Variants in RBM19 observed in about 807,000 individuals in gnomAD.
The protein encoded by RBM19 is RNA binding motif protein 19.
In RBM19, 94 loss-of-function variants were observed where a neutral mutation model predicts 116.8. That is an observed-to-expected ratio of 0.80 (90% confidence interval 0.68 to 0.95). The LOEUF is 0.95. Among genes scored for constraint, RBM19 ranks in the 40% least tolerant of loss-of-function variants. The pLI, the probability that RBM19 is intolerant of heterozygous loss-of-function variation, is 0.00. For missense variants in RBM19, 1,161 were observed against 1,220.7 expected (o/e 0.95, Z 0.73); for synonymous variants, 475 against 494.1 (o/e 0.96, Z 0.51).
intron 21 of RBM19, among the ~76,000 whole-genome samples, chr12:113,869,865 C>T (rs1879095605): frequency 6.6e-6 from 1 of 152,186 alleles, no homozygotes; most frequent in Admixed American, 6.5e-5. Context: ...GAAGAGAATC[C>T]AGGAAGTCAC....
rs374361470 is a variant in RBM19 at position 113,876,410 on chromosome 12, A to G, written c.2559-17514T>C. Reference sequence around the variant, plus strand: ...CTGTGAAATGGGGACAATGGTCTCCATGCTCAACAGTTGTGTTAAGGCTTA... The same window carrying G: ...CTGTGAAATGGGGACAATGGTCTCCGTGCTCAACAGTTGTGTTAAGGCTTA... On this transcript the variant is annotated intron_variant, in intron 21 of 23. Coordinates refer to ENST00000261741, the MANE Select transcript of RBM19 (RefSeq NM_016196.4). Among the ~76,000 whole-genome samples, 12 of 152,348 alleles carry G rather than the reference A, an allele frequency of 7.9e-5. No homozygotes were observed. The East Asian group carries it at 9.6e-4, about 12-fold the overall frequency.
At chr12:113,932,700 CAAAA>C (rs1407872292) in intron 16 of RBM19, 1 of 151,870 alleles carries the variant, frequency 6.6e-6, no homozygotes, top group South Asian at 2.1e-4. Context: ...AGTTGGGAGA[CAAAA>C]GAAAGATGGG....
At chr12:113,821,222 T>C (rs1242921078), downstream of RBM19, among the ~76,000 whole-genome samples, 2 of 152,062 alleles carry the variant, frequency 1.3e-5, no homozygotes, top group Non-Finnish European at 2.9e-5. Context: ...AATCCTGCTC[T>C]GGGGGGAGGT....
intron 22 of RBM19, among the ~76,000 whole-genome samples, chr12:113,855,433 G>T (rs1418954295): frequency 1.3e-5 from 2 of 152,182 alleles, no homozygotes. Flanking sequence ...CCCATCTGAC[G>T]ATTGCTGGGG....
At chr12:113,940,304 G>A in intron 14 of RBM19, 144 bp from the exon 15 acceptor site, 1 of 812,308 alleles carries the variant, frequency 1.2e-6, no homozygotes, top group Non-Finnish European at 1.9e-6. Flanking sequence ...GACCCAGGAG[G>A]AACGACCCTC....
chr12:113,948,118 A>G (rs1281901822), intron 10 of RBM19, among the ~76,000 whole-genome samples: 1 of 152,166 alleles, frequency 6.6e-6, no homozygotes, highest in African/African-American at 2.4e-5. Flanking sequence ...TTACCCTGAC[A>G]ACGGGGCCCA....
At chr12:113,950,849 A>G (rs933567006) in intron 8 of RBM19, among the ~76,000 whole-genome samples, 1 of 151,976 alleles carries the variant, frequency 6.6e-6, no homozygotes, top group Admixed American at 6.6e-5. Flanking sequence ...TCCTATATCC[A>G]GGCACCTCAT....
intron 5 of RBM19, among the ~76,000 whole-genome samples, 181 bp from the exon 6 acceptor site, chr12:113,958,231 C>T (rs1013200525): frequency 1.3e-5 from 2 of 152,172 alleles, no homozygotes; most frequent in Non-Finnish European, 2.9e-5. Context: ...CGGGGCAGGG[C>T]TACTGCAGCT....
At chr12:113,854,618 T>C (rs1338531556) in intron 22 of RBM19, among the ~76,000 whole-genome samples, 1 of 152,156 alleles carries the variant, frequency 6.6e-6, no homozygotes, top group Non-Finnish European at 1.5e-5. Context: ...GCTGATAGAA[T>C]GTCCTAGAGT....
chr12:113,841,666 C>T (rs1593469616), intron 23 of RBM19, among the ~76,000 whole-genome samples: 1 of 152,120 alleles, frequency 6.6e-6, no homozygotes, highest in Non-Finnish European at 1.5e-5. Flanking sequence ...CTCAAGTGAT[C>T]CACCCACCTC....
chr12:113,955,036 A>G, intron 7 of RBM19, 95 bp downstream of exon 7: 1 of 1,232,472 alleles, frequency 8.1e-7, no homozygotes, highest in South Asian at 1.2e-5. Flanking sequence ...TCCTCAACCG[A>G]CTCTAATGCC....
chr12:113,887,216 G>A (rs1028332315), intron 21 of RBM19, among the ~76,000 whole-genome samples: 1 of 152,082 alleles, frequency 6.6e-6, no homozygotes, highest in Admixed American at 6.6e-5. Flanking sequence ...GGAGAGCTGG[G>A]GGCCCACAAA....
At chr12:113,856,700 G>C (rs1269022977) in intron 22 of RBM19, among the ~76,000 whole-genome samples, 2 of 152,180 alleles carry the variant, frequency 1.3e-5, no homozygotes, top group Non-Finnish European at 2.9e-5. Context: ...GGCCCAGTGG[G>C]TGGCCAAATA....
chr12:113,863,588 T>C (rs1034118617), intron 21 of RBM19, among the ~76,000 whole-genome samples: 1 of 152,112 alleles, frequency 6.6e-6, no homozygotes, highest in African/African-American at 2.4e-5. Flanking sequence ...TAAGTCCCCC[T>C]CACTATTCGG....
chr12:113,914,624 G>A (rs1344318917), intron 21 of RBM19, among the ~76,000 whole-genome samples: 2 of 152,240 alleles, frequency 1.3e-5, no homozygotes, highest in Non-Finnish European at 2.9e-5. Context: ...TAGCCTGGAT[G>A]GAGGAAATTT....
At chr12:113,904,634 G>A (rs1233904305) in intron 21 of RBM19, among the ~76,000 whole-genome samples, 1 of 152,204 alleles carries the variant, frequency 6.6e-6, no homozygotes, top group African/African-American at 2.4e-5. Context: ...TGCTGGTGCT[G>A]AGGCTGACAT....
At chr12:113,931,377 G>A (rs1869582761) in intron 16 of RBM19, among the ~76,000 whole-genome samples, 1 of 152,144 alleles carries the variant, frequency 6.6e-6, no homozygotes. Flanking sequence ...GGCCTCCCAG[G>A]TCCATGAGCT....
intron 21 of RBM19, among the ~76,000 whole-genome samples, chr12:113,869,221 G>A (rs540032768): frequency 6.6e-6 from 1 of 152,314 alleles, no homozygotes; most frequent in African/African-American, 2.4e-5. Context: ...TGGCAAAGGG[G>A]CCTAAGCAAA....
chr12:113,913,370 G>A (rs1380520251), intron 21 of RBM19, among the ~76,000 whole-genome samples: 2 of 151,946 alleles, frequency 1.3e-5, no homozygotes, highest in African/African-American at 4.8e-5. Context: ...TAGGGAAATG[G>A]GAAACCTCCC....
Sources: allele counts gnomAD v4.1 joint callset (sites outside exome capture counted in the v4.1 genomes callset), GRCh38; gene constraint gnomAD v4.1.1; transcripts MANE v1.5; gene names NCBI Gene and HGNC (gene_info 2026-07-23, HGNC 2026-07-21).